The following ESRRG variants were observed in gnomAD, a reference collection of about 807,000 sequenced individuals.
The protein encoded by ESRRG is estrogen-related receptor gamma.
A neutral mutation model predicts 44.0 loss-of-function variants in ESRRG; 13 were observed. That is an observed-to-expected ratio of 0.30 (90% CI 0.19 to 0.47). ESRRG has a LOEUF of 0.47. Among genes scored for constraint, ESRRG ranks in the 20% least tolerant of loss-of-function variants. ESRRG has a pLI of 1.00. For synonymous variants in ESRRG, 215 were observed against 214.6 expected (o/e 1.00, Z -0.02); for missense variants, 395 against 580.6 (o/e 0.68, Z 3.29).
intron 1 of ESRRG, among the ~76,000 whole-genome samples, chr1:217,116,095 T>A (rs1028905838): frequency 6.6e-6 from 1 of 152,222 alleles, no homozygotes; most frequent in Non-Finnish European, 1.5e-5. Flanking sequence ...TGTGTGTTTT[T>A]TCCCAAGATC....
intron 5 of ESRRG, among the ~76,000 whole-genome samples, chr1:216,523,951 A>C (rs1434602920): frequency 6.6e-6 from 1 of 151,996 alleles, no homozygotes; most frequent in African/African-American, 2.4e-5. Flanking sequence ...CATTTTGAGA[A>C]GCTGATTAAG....
chr1:216,962,485 C>T (rs2069305264), intron 1 of ESRRG, among the ~76,000 whole-genome samples: 1 of 152,180 alleles, frequency 6.6e-6, no homozygotes. Context: ...ACATTTCAGG[C>T]TACAAATTTA....
At chr1:217,030,843 G>A (rs938731691) in intron 1 of ESRRG, among the ~76,000 whole-genome samples, 2 of 152,200 alleles carry the variant, frequency 1.3e-5, no homozygotes, top group Non-Finnish European at 2.9e-5. Flanking sequence ...TTTTGTATTA[G>A]TTACATTGAA....
chr1:216,755,748 G>A (rs17043730), intron 2 of ESRRG, among the ~76,000 whole-genome samples: 52,208 of 151,872 alleles, frequency 0.34, 10,973 homozygotes, highest in African/African-American at 0.59. Flanking sequence ...TAGACCATCA[G>A]TGGCAGAAAC....
intron 2 of ESRRG, among the ~76,000 whole-genome samples, chr1:216,666,293 A>C (rs913602800): frequency 6.6e-6 from 1 of 152,238 alleles, no homozygotes; most frequent in Non-Finnish European, 1.5e-5. Context: ...ATTCTAATAT[A>C]CCCTATCTGG....
intron 2 of ESRRG, among the ~76,000 whole-genome samples, chr1:216,823,211 TGTAAGAGAAGGGA>T (rs1163680409): frequency 2.6e-5 from 4 of 152,100 alleles, no homozygotes; most frequent in African/African-American, 7.2e-5. Flanking sequence ...GTCTTGAATC[TGTAAGAGAAGGGA>T]GTAAGACTGG....
intron 1 of ESRRG, among the ~76,000 whole-genome samples, chr1:216,980,699 A>T (rs1282327586): frequency 6.6e-6 from 1 of 151,850 alleles, no homozygotes; most frequent in Non-Finnish European, 1.5e-5. Flanking sequence ...CCTCCACAAT[A>T]CTCATGTTAC....
rs897252562 is a variant in ESRRG, at chr1:217,132,754, G to A, written c.-230+4913C>T. ...GGGGTTACAGGTGCATGGTTACCCCGTCCTTGCCTCGTTTTGGGGGTTACA... is the reference window on the plus strand; with the variant it reads ...GGGGTTACAGGTGCATGGTTACCCCATCCTTGCCTCGTTTTGGGGGTTACA... On this transcript the variant is annotated intron_variant, in intron 1 of 8. Coordinates refer to the ESRRG transcript ENST00000366940. 2.6e-5 allele frequency among the ~76,000 whole-genome samples: 4 copies of A among 152,006 alleles called. 1 individual carries two copies. The highest frequency in any genetic ancestry group is 2.1e-4 in the South Asian group (1 of 4,818).
intron 3 of ESRRG, among the ~76,000 whole-genome samples, chr1:216,605,569 C>A (rs2059821479): frequency 6.6e-6 from 1 of 152,026 alleles, no homozygotes; most frequent in African/African-American, 2.4e-5. Flanking sequence ...CTATATGTGT[C>A]TATGTATACT....
At chr1:216,895,578 A>G (rs1041923369) in intron 2 of ESRRG, among the ~76,000 whole-genome samples, 2 of 152,210 alleles carry the variant, frequency 1.3e-5, no homozygotes, top group Non-Finnish European at 2.9e-5. Context: ...GCAAGTTCCA[A>G]TAAACTAAAG....
At chr1:216,834,089 G>T (rs991562662) in intron 2 of ESRRG, among the ~76,000 whole-genome samples, 1 of 152,138 alleles carries the variant, frequency 6.6e-6, no homozygotes, top group Non-Finnish European at 1.5e-5. Context: ...AAAGTTGAAA[G>T]AGAAAGAGCT....
At chr1:216,824,099 G>T (rs2095349022) in intron 2 of ESRRG, among the ~76,000 whole-genome samples, 2 of 152,244 alleles carry the variant, frequency 1.3e-5, no homozygotes, top group South Asian at 4.1e-4. Flanking sequence ...ATTTCCTAGG[G>T]CCGCATTAGG....
intron 2 of ESRRG, among the ~76,000 whole-genome samples, chr1:216,654,466 C>T (rs947998281): frequency 1.3e-5 from 2 of 151,866 alleles, no homozygotes; most frequent in African/African-American, 4.8e-5. Flanking sequence ...CCCATCTCTA[C>T]TAAAAATACA....
intron 2 of ESRRG, among the ~76,000 whole-genome samples, chr1:216,901,912 C>T (rs1172539765): frequency 6.6e-6 from 1 of 152,050 alleles, no homozygotes; most frequent in African/African-American, 2.4e-5. Flanking sequence ...ACCACCATGC[C>T]CAGCTAATTT....
chr1:216,637,857 A>C (rs1170199003), intron 3 of ESRRG, among the ~76,000 whole-genome samples: 1 of 152,108 alleles, frequency 6.6e-6, no homozygotes, highest in Non-Finnish European at 1.5e-5. Flanking sequence ...AGGACTTCTG[A>C]AATACAATTC....
intron 1 of ESRRG, among the ~76,000 whole-genome samples, chr1:216,709,069 G>A (rs1174762651): frequency 1.3e-5 from 2 of 152,084 alleles, no homozygotes; most frequent in African/African-American, 4.8e-5. Flanking sequence ...CTGCAGGAGA[G>A]TGGGGGGCTA....
intron 2 of ESRRG, among the ~76,000 whole-genome samples, chr1:216,905,914 C>T (rs916000512): frequency 6.6e-5 from 10 of 152,072 alleles, no homozygotes; most frequent in Admixed American, 5.2e-4. Flanking sequence ...CTACGCCCTG[C>T]TAATTTTTGT....
At chr1:217,134,565 C>A (rs947049436) in intron 1 of ESRRG, among the ~76,000 whole-genome samples, 1 of 152,218 alleles carries the variant, frequency 6.6e-6, no homozygotes, top group South Asian at 2.1e-4. Flanking sequence ...TTTCTCCACA[C>A]CCCGTACCCC....
chr1:216,728,118 C>T (rs902357855), upstream of ESRRG, among the ~76,000 whole-genome samples: 2 of 152,120 alleles, frequency 1.3e-5, no homozygotes, highest in East Asian at 3.9e-4. Context: ...ATACCAAATG[C>T]ATTTTACAGT....
Sources: gnomAD v4.1 joint callset for allele counts (sites outside exome capture counted in the v4.1 genomes callset) on GRCh38, gnomAD v4.1.1 for gene constraint, MANE v1.5 for transcripts, NCBI Gene and HGNC (gene_info 2026-07-23, HGNC 2026-07-21) for gene names.